Variants in MUTYH observed in about 807,000 individuals in gnomAD.
The protein encoded by MUTYH is mutY DNA glycosylase.
Under a neutral mutation model 72.9 loss-of-function variants are expected in MUTYH, and 64 were observed. The observed-to-expected ratio is 0.88, with a 90% CI of 0.72 to 1.08. MUTYH has a LOEUF of 1.08. Ranked by LOEUF, MUTYH falls within the 50% of genes least tolerant of loss-of-function variation. The pLI is 0.00. For missense variants in MUTYH, 633 were observed against 671.0 expected (o/e 0.94, Z 0.63); for synonymous variants, 234 against 263.1 (o/e 0.89, Z 1.07).
rs587781628 is a variant in MUTYH at position 45,331,558 on chromosome 1, T to C, written c.1103-2A>G. On this transcript the variant is annotated splice_acceptor_variant, in intron 12 of 15. Transcript: ENST00000456914. LOFTEE classifies it high-confidence loss of function. ...ACTCCCACAGTCCTGCCAGCAGACC[T>C]GAGAGGGAGGGCAGCCAGGCAGGGG... The C allele has an allele frequency of 6.4e-5, 103 of 1,613,776 alleles. No homozygotes were observed. Among genetic ancestry groups the C allele is most frequent in the Non-Finnish European group, 8.6e-5 (101 of 1,180,022 alleles).
intron 5 of MUTYH, 39 bp downstream of exon 5, chr1:45,333,058 G>T (rs1645253352): frequency 6.2e-7 from 1 of 1,613,564 alleles, no homozygotes; most frequent in African/African-American, 1.3e-5. Context: ...CTCATCTGGG[G>T]TCTGACCCAT....
In MUTYH at chr1:45,329,315, T is replaced by C; in HGVS notation, c.1557A>G (p.Ala519=). The C allele has an allele frequency of 6.2e-7, 1 of 1,614,206 alleles. No individual in the cohort carries two copies. The highest frequency in any genetic ancestry group is 8.5e-7 in the Non-Finnish European group (1 of 1,180,038). The change falls in exon 16 of 16, where the codon GCA becomes GCG. Residue 519 remains alanine (A), a synonymous_variant. Coordinates refer to ENST00000456914, the MANE Select transcript of MUTYH (RefSeq NM_001048174.2). ...ISTDAHSLNS[A]AQ ...GGGGCTTTCAGAGGTGTCACTGGGC[T>C]GCACTGTTGAGGCTGTGTGCATCAG...
At chr1:45,329,824 C>T (rs745308489) in intron 15 of MUTYH, 11 of 203,640 alleles carry the variant, frequency 5.4e-5, no homozygotes, top group Admixed American at 4.7e-4. Context: ...CTGGAAAGAA[C>T]ATCGCTACGG....
rs2149186214 is a variant in MUTYH, at chr1:45,334,377, A to G, written c.115+14T>C. ...CATGGCCAATGAGCCTTGGGCCACAACCTAGTTCCTTACCATCACAGGCAG... is the reference window on the plus strand; with the variant it reads ...CATGGCCAATGAGCCTTGGGCCACAGCCTAGTTCCTTACCATCACAGGCAG... On this transcript the variant is annotated intron_variant, in intron 2 of 15. Transcript: ENST00000456914. The G allele has an allele frequency of 6.2e-7, 1 of 1,613,844 alleles. No individual in the cohort carries two copies. Among genetic ancestry groups the G allele is most frequent in the Non-Finnish European group, 8.5e-7 (1 of 1,179,924 alleles).
chr1:45,329,828 G>A (rs1032175654), intron 15 of MUTYH: 6 of 195,478 alleles, frequency 3.1e-5, no homozygotes, highest in East Asian at 1.2e-4. Flanking sequence ...AAAGAACATC[G>A]CTACGGTTGA....
intron 15 of MUTYH, chr1:45,329,892 C>T (rs1463140021): frequency 1.2e-5 from 2 of 173,088 alleles, no homozygotes; most frequent in African/African-American, 4.8e-5. Flanking sequence ...AGATTACCAG[C>T]TGCTTCCTCC....
At chr1:45,339,685 G>A (rs943435081) in intron 1 of MUTYH, 1 of 501,996 alleles carries the variant, frequency 2.0e-6, no homozygotes, top group Non-Finnish European at 3.5e-6. Context: ...TTACACCCTG[G>A]GCAGCCTCCT....
Position 45,333,281 on chromosome 1 carries a change from T to A in MUTYH, c.304+4A>T. On this transcript the variant is annotated splice_donor_region_variant and intron_variant, in intron 4 of 15. Coordinates refer to ENST00000456914, the MANE Select transcript of MUTYH (RefSeq NM_001048174.2). ...GTGGCCCTGCTCTCAGGAGATGTAC[T>A]GACCAGCATATGCCCGCCTGTCCAG... is the stretch of plus-strand genomic sequence containing the variant. 6.2e-7 allele frequency: 1 copy of A among 1,614,226 alleles called. No individual in the cohort carries two copies. Among genetic ancestry groups the A allele is most frequent in the African/African-American group, 1.3e-5 (1 of 75,064 alleles).
chr1:45,332,757 C>G lies in MUTYH; in HGVS notation c.492+6G>C, dbSNP rs762573043. The stretch of plus-strand genomic sequence containing the variant: ...CTGGGTTCCTACCCTCCTGCCATCC[C>G]CTTACCTTCCGAGCTCCCTCCTGCA... On this transcript the variant is annotated splice_donor_region_variant and intron_variant, in intron 7 of 15. Coordinates refer to ENST00000456914, the MANE Select transcript of MUTYH (RefSeq NM_001048174.2). The G allele has an allele frequency of 6.2e-7, 1 of 1,614,080 alleles. No homozygotes were observed. Among genetic ancestry groups the G allele is most frequent in the Non-Finnish European group, 8.5e-7 (1 of 1,180,032 alleles).
chr1:45,339,615 C>T (rs762711011), intron 1 of MUTYH: 42 of 352,178 alleles, frequency 1.2e-4, no homozygotes, highest in Non-Finnish European at 2.1e-4. Context: ...AGCCTTAATT[C>T]AAGTTCACAT....
rs1237683739 is a variant in MUTYH at position 45,330,575 on chromosome 1, G to A, written c.1393-18C>T. On this transcript the variant is annotated intron_variant, in intron 14 of 15. Coordinates refer to ENST00000456914, the MANE Select transcript of MUTYH (RefSeq NM_001048174.2). ...CGGAAAACCTAGACAAGAAGACAGG[G>A]AGGTGAGGGCTGGCACTTTTTGCAA... 1.2e-6 allele frequency: 2 copies of A among 1,605,032 alleles called. No individual in the cohort carries two copies. The highest frequency in any genetic ancestry group is 1.7e-6 in the Non-Finnish European group (2 of 1,175,558).
At chr1:45,329,510 C>CT in intron 15 of MUTYH, 73 bp from the exon 16 acceptor site, 1 of 1,575,922 alleles carries the variant, frequency 6.3e-7, no homozygotes, top group Non-Finnish European at 8.7e-7. Flanking sequence ...CTTGTCCTCT[C>CT]TCCCTTTCCC....
chr1:45,337,209 T>A (rs1439119556), intron 1 of MUTYH, among the ~76,000 whole-genome samples: 1 of 151,564 alleles, frequency 6.6e-6, no homozygotes, highest in East Asian at 1.9e-4. Flanking sequence ...AGTGGTGTGA[T>A]CTTGGCTCAC....
chr1:45,332,827 T>C lies in MUTYH; in HGVS notation c.428A>G (p.Asn143Ser), dbSNP rs587781528. The change falls in exon 7 of 16, where the codon AAT (asparagine) becomes AGT (serine). Residue 143 changes from asparagine (N) to serine (S), a missense_variant. Transcript: ENST00000456914. ...DLASASLEEVNQLWAGLGYYS... is the reference protein window; with the variant it reads ...DLASASLEEVSQLWAGLGYYS... Reference sequence around the variant, plus strand: ...GTAGCCCAGGCCAGCCCAGAGTTGATTCACCTCCTGTGGGTAGGATCAGAG... The same window carrying C: ...GTAGCCCAGGCCAGCCCAGAGTTGACTCACCTCCTGTGGGTAGGATCAGAG... 1.9e-6 allele frequency: 3 copies of C among 1,614,162 alleles called. No individual in the cohort carries two copies. Among genetic ancestry groups the C allele is most frequent in the South Asian group, 1.1e-5 (1 of 91,080 alleles).
intron 1 of MUTYH, 132 bp downstream of exon 1, chr1:45,339,758 GGAATTTACC>G: frequency 9.2e-7 from 1 of 1,081,360 alleles, no homozygotes; most frequent in African/African-American, 1.6e-5. Flanking sequence ...ATCCTCTCTG[GGAATTTACC>G]GATGCCCAGA....
chr1:45,340,152 G>A (rs576237042), upstream of MUTYH: 1 of 1,593,024 alleles, frequency 6.3e-7, no homozygotes. Flanking sequence ...GCGACCCGAC[G>A]GCGAGACCCC....
rs183013092 is a variant in MUTYH at position 45,330,149 on chromosome 1, C to G, written c.1434+367G>C. 93 of 203,666 alleles carry G rather than the reference C, an allele frequency of 4.6e-4. 2 individuals are homozygous for G. In the Middle Eastern group the frequency reaches 0.023, roughly 50 times the overall value. The allele number at this position is 203,666 out of a possible 1,614,324, so 12.6% of individuals were successfully genotyped here. On this transcript the variant is annotated intron_variant, in intron 15 of 15. Transcript: ENST00000456914. ...TTGGGAGACTGAGGCAGGAGAATCG[C>G]TTTAATCCAGTTGTGGGAGATTGCA...
chr1:45,338,855 T>C (rs1407997242), intron 1 of MUTYH, among the ~76,000 whole-genome samples: 2 of 151,956 alleles, frequency 1.3e-5, no homozygotes, highest in Non-Finnish European at 2.9e-5. Flanking sequence ...AGCCTCGACC[T>C]CCTGGGCTCA....
rs376790729 is a variant in MUTYH, at chr1:45,331,223, C to A, written c.1351G>T (p.Glu451Ter). The change falls in exon 14 of 16, where the codon GAG (glutamate) becomes TAG (stop). Residue 451 changes from glutamate to a stop codon, truncating the protein, a stop_gained. Coordinates refer to ENST00000456914, the MANE Select transcript of MUTYH (RefSeq NM_001048174.2). LOFTEE classifies it high-confidence loss of function. ...VPPGARWLTQ[E>*]EFHTAAVSTA... The stretch of plus-strand genomic sequence containing the variant: ...GAAACAGCTGCGGTGTGAAATTCCT[C>A]CTGCGTCAGCCAGCGAGCACCTGGT... The A allele has an allele frequency of 6.2e-6, 10 of 1,614,128 alleles. No homozygotes were observed. In the African/African-American group the frequency reaches 6.7e-5, roughly 11 times the overall value.
Sources: allele counts gnomAD v4.1 joint callset (sites outside exome capture counted in the v4.1 genomes callset), GRCh38; gene constraint gnomAD v4.1.1; transcripts MANE v1.5; gene names NCBI Gene and HGNC (gene_info 2026-07-23, HGNC 2026-07-21).